HOMER1: variants seen among roughly 807,000 people sequenced by gnomAD.
HOMER1 encodes the protein homer protein homolog 1.
In HOMER1, 3 loss-of-function variants were observed where a neutral mutation model predicts 48.9. That is an observed-to-expected ratio of 0.06 (90% CI 0.03 to 0.16). The LOEUF (loss-of-function observed/expected upper bound fraction) is 0.16, where lower values mean the gene tolerates loss of function less well. Among genes scored for constraint, HOMER1 ranks in the 10% least tolerant of loss-of-function variants. The pLI, the probability that HOMER1 is intolerant of heterozygous loss-of-function variation, is 1.00. For missense variants in HOMER1, 247 were observed against 411.4 expected (o/e 0.60, Z 3.46); for synonymous variants, 134 against 146.4 (o/e 0.92, Z 0.61).
At chr5:79,377,115 G>A (rs7704776) in intron 8 of HOMER1, among the ~76,000 whole-genome samples, 3 of 152,008 alleles carry the variant, frequency 2.0e-5, no homozygotes, top group Non-Finnish European at 4.4e-5. Context: ...ACAGGCACAC[G>A]CCACCACACC....
At position 79,451,864 on chromosome 5, in the gene HOMER1, A is replaced by G. The variant is rs953759266; in HGVS notation, c.163-743T>C. ...GCGTGAGCCACTGCGCCCGGCCGACACTGATTTTCTAAAATCCATAATTGA... is the reference window on the plus strand; with the variant it reads ...GCGTGAGCCACTGCGCCCGGCCGACGCTGATTTTCTAAAATCCATAATTGA... On this transcript the variant is annotated intron_variant, in intron 2 of 8. Transcript: ENST00000334082. Among the ~76,000 whole-genome samples the G allele has an allele frequency of 3.3e-5, 5 of 152,054 alleles. No individual in the cohort carries two copies. The South Asian group carries it at 1.0e-3, about 32-fold the overall frequency.
intron 3 of HOMER1, among the ~76,000 whole-genome samples, chr5:79,448,410 T>C (rs991775049): frequency 6.6e-6 from 1 of 152,200 alleles, no homozygotes; most frequent in Non-Finnish European, 1.5e-5. Context: ...CTAATTTGTA[T>C]ATCCTTAGTT....
chr5:79,500,963 G>GACACACACAC lies in HOMER1; in HGVS notation c.5+11797_5+11806dup, dbSNP rs140189642. 1.4e-3 allele frequency among the ~76,000 whole-genome samples: 144 copies of GACACACACAC among 101,678 alleles called. 1 individual carries two copies. Among genetic ancestry groups the GACACACACAC allele is most frequent in the African/African-American group, 4.3e-3 (129 of 29,882 alleles). 66.7% of individuals were successfully genotyped at this position (101,678 alleles called of 152,430 possible). On this transcript the variant is annotated intron_variant, in intron 1 of 8. Transcript: ENST00000334082. ...TGTGTGTGTGTGTGTGAGACAGACA[G>GACACACACAC]ACACACACACACACACACACACACA...
intron 1 of HOMER1, among the ~76,000 whole-genome samples, chr5:79,457,284 T>C (rs1408812360): frequency 1.3e-5 from 2 of 152,202 alleles, no homozygotes; most frequent in Non-Finnish European, 2.9e-5. Context: ...AAATCAATAG[T>C]GTGGCACATT....
At chr5:79,385,580 G>A (rs1392972082) in intron 8 of HOMER1, among the ~76,000 whole-genome samples, 1 of 152,102 alleles carries the variant, frequency 6.6e-6, no homozygotes, top group East Asian at 1.9e-4. Flanking sequence ...GATGGCTCAT[G>A]CCTATGGTCC....
At chr5:79,435,829 T>C (rs1399496705) in intron 5 of HOMER1, among the ~76,000 whole-genome samples, 1 of 144,772 alleles carries the variant, frequency 6.9e-6, no homozygotes, top group Non-Finnish European at 1.5e-5. Flanking sequence ...AGACTCTGTC[T>C]CTAAATAAAT....
At chr5:79,499,290 G>A (rs1465179619) in intron 1 of HOMER1, among the ~76,000 whole-genome samples, 3 of 152,050 alleles carry the variant, frequency 2.0e-5, no homozygotes, top group South Asian at 4.2e-4. Context: ...TAACTACAAA[G>A]GTAGTTAACA....
At chr5:79,394,937 A>G (rs1176601516) in intron 8 of HOMER1, among the ~76,000 whole-genome samples, 2 of 152,226 alleles carry the variant, frequency 1.3e-5, no homozygotes, top group East Asian at 1.9e-4. Context: ...GTTTCTCTTC[A>G]TAAGTGAGAC....
chr5:79,451,220 A>C (rs1751017504), intron 2 of HOMER1, 99 bp from the exon 3 acceptor site: 1 of 1,215,144 alleles, frequency 8.2e-7, no homozygotes. Context: ...GATTATCAAT[A>C]AGCCACAACG....
intron 5 of HOMER1, among the ~76,000 whole-genome samples, chr5:79,409,944 G>A (rs897383435): frequency 2.0e-5 from 3 of 152,186 alleles, no homozygotes; most frequent in African/African-American, 7.2e-5. Context: ...TGTAGCTGCT[G>A]TGGAAAACAG....
chr5:79,455,094 T>C (rs1479350749), intron 2 of HOMER1, among the ~76,000 whole-genome samples: 2 of 148,490 alleles, frequency 1.3e-5, no homozygotes, highest in Non-Finnish European at 3.0e-5. Context: ...CATGCACCAA[T>C]ACACCTAGCT....
At chr5:79,445,489 A>G (rs1297953774) in intron 4 of HOMER1, among the ~76,000 whole-genome samples, 1 of 152,252 alleles carries the variant, frequency 6.6e-6, no homozygotes, top group East Asian at 1.9e-4. Context: ...TATAACTTCC[A>G]ACTGAAGGAA....
intron 5 of HOMER1, among the ~76,000 whole-genome samples, chr5:79,429,320 A>G (rs997917113): frequency 4.6e-5 from 7 of 152,202 alleles, no homozygotes; most frequent in Non-Finnish European, 7.3e-5. Context: ...GGTTGCAGTG[A>G]GCCAAGACGG....
chr5:79,383,544 C>A (rs893436092), intron 8 of HOMER1, among the ~76,000 whole-genome samples: 4 of 152,048 alleles, frequency 2.6e-5, no homozygotes, highest in Non-Finnish European at 4.4e-5. Flanking sequence ...CACCACCATG[C>A]CCGGCTCATT....
chr5:79,389,191 C>T (rs965436790), intron 8 of HOMER1, among the ~76,000 whole-genome samples: 5 of 151,770 alleles, frequency 3.3e-5, no homozygotes, highest in African/African-American at 1.2e-4. Context: ...TTTCAAGTAA[C>T]TCAATGAAAG....
intron 8 of HOMER1, among the ~76,000 whole-genome samples, chr5:79,395,785 C>T (rs1749367486): frequency 6.6e-6 from 1 of 152,106 alleles, no homozygotes; most frequent in Non-Finnish European, 1.5e-5. Flanking sequence ...ACAAGTTAAC[C>T]TCTCCAAGCT....
At chr5:79,502,220 A>G (rs1238030369) in intron 1 of HOMER1, among the ~76,000 whole-genome samples, 5 of 151,946 alleles carry the variant, frequency 3.3e-5, no homozygotes, top group East Asian at 1.9e-4. Flanking sequence ...GAGTTTCACT[A>G]TGTTGGCCAG....
At chr5:79,469,670 T>A (rs1751567577) in intron 1 of HOMER1, among the ~76,000 whole-genome samples, 1 of 150,514 alleles carries the variant, frequency 6.6e-6, no homozygotes, top group Admixed American at 6.6e-5. Context: ...TAATTTGCCT[T>A]TTTTTTTTAT....
intron 1 of HOMER1, among the ~76,000 whole-genome samples, chr5:79,487,083 A>G (rs1017284347): frequency 6.6e-6 from 1 of 152,190 alleles, no homozygotes; most frequent in Non-Finnish European, 1.5e-5. Flanking sequence ...GATCAAAACC[A>G]TCCTGGTCAA....
Sources: allele counts gnomAD v4.1 joint callset (sites outside exome capture counted in the v4.1 genomes callset), GRCh38; gene constraint gnomAD v4.1.1; transcripts MANE v1.5; gene names NCBI Gene and HGNC (gene_info 2026-07-23, HGNC 2026-07-21).